Variants in UBE3C observed in about 807,000 individuals in gnomAD.
UBE3C encodes the protein ubiquitin-protein ligase E3C.
A neutral mutation model predicts 129.4 loss-of-function variants in UBE3C; 42 were observed. The observed-to-expected ratio is 0.32, with a 90% CI of 0.25 to 0.42. UBE3C has a LOEUF of 0.42. Among genes scored for constraint, UBE3C ranks in the 10% least tolerant of loss-of-function variants. UBE3C has a pLI of 1.00. For missense variants in UBE3C, 1,049 were observed against 1,319.1 expected, an observed-to-expected ratio of 0.80 and a Z score of 3.17; for synonymous variants, 510 against 492.4, an observed-to-expected ratio of 1.04 and a Z score of -0.47.
chr7:157,196,097 TGTG>T (rs1480437507), intron 10 of UBE3C, among the ~76,000 whole-genome samples: 1 of 147,790 alleles, frequency 6.8e-6, no homozygotes, highest in East Asian at 1.9e-4. Context: ...GTCAGAGAGA[TGTG>T]GTAACAGAAG....
chr7:157,187,080 C>G (rs1242196651), intron 10 of UBE3C, 59 bp downstream of exon 10: 1 of 1,502,872 alleles, frequency 6.7e-7, no homozygotes, highest in East Asian at 2.5e-5. Context: ...ACCTTCCTCC[C>G]TGGGAATTGC....
intron 13 of UBE3C, among the ~76,000 whole-genome samples, chr7:157,215,407 A>G (rs1795527855): frequency 6.6e-6 from 1 of 151,122 alleles, no homozygotes; most frequent in Non-Finnish European, 1.5e-5. Flanking sequence ...GGAAATCTCA[A>G]CAATTGATTG....
chr7:157,154,369 C>T (rs1807845291), intron 1 of UBE3C, among the ~76,000 whole-genome samples: 1 of 152,072 alleles, frequency 6.6e-6, no homozygotes, highest in African/African-American at 2.4e-5. Context: ...ATGAAATCAT[C>T]TTCTCACTGA....
chr7:157,260,957 G>A (rs903462225), intron 22 of UBE3C, among the ~76,000 whole-genome samples: 12 of 152,260 alleles, frequency 7.9e-5, no homozygotes, highest in East Asian at 1.9e-4. Context: ...CTGCGTGAGC[G>A]TCGTAGGTTT....
chr7:157,263,493 A>G (rs913622212), intron 22 of UBE3C, among the ~76,000 whole-genome samples: 10 of 152,052 alleles, frequency 6.6e-5, no homozygotes, highest in Admixed American at 4.6e-4. Context: ...GCGAAACCCC[A>G]TCTCTACTAA....
At chr7:157,162,314 C>G (rs1406083698) in intron 1 of UBE3C, among the ~76,000 whole-genome samples, 1 of 151,916 alleles carries the variant, frequency 6.6e-6, no homozygotes, top group Non-Finnish European at 1.5e-5. Flanking sequence ...TCTCCCTCAG[C>G]CTCTCGAGTA....
In UBE3C at chr7:157,145,718, T is replaced by C. The variant is rs556442784; in HGVS notation, c.66+6380T>C. Among the ~76,000 whole-genome samples, 14 of 152,344 alleles carry C rather than the reference T, an allele frequency of 9.2e-5. No homozygotes were observed. The South Asian group carries it at 2.7e-3, about 29-fold the overall frequency. On this transcript the variant is annotated intron_variant, in intron 1 of 22. Coordinates refer to ENST00000348165, the MANE Select transcript of UBE3C (RefSeq NM_014671.3). ...TGCATTTAAGGCTCTTTTCATGGCT[T>C]GACAGTTCATTTCTTTTTACTTTAT...
chr7:157,153,979 A>G (rs1237519971), intron 1 of UBE3C, among the ~76,000 whole-genome samples: 1 of 150,480 alleles, frequency 6.6e-6, no homozygotes, highest in Admixed American at 6.7e-5. Flanking sequence ...CTTGGGTGAC[A>G]GAGCGAGGCC....
At chr7:157,229,850 C>T (rs907515459) in intron 17 of UBE3C, among the ~76,000 whole-genome samples, 1 of 151,332 alleles carries the variant, frequency 6.6e-6, no homozygotes, top group Non-Finnish European at 1.5e-5. Flanking sequence ...TGGCCTCAGG[C>T]AGTCCTTCTG....
chr7:157,251,940 C>T (rs1796629759), intron 19 of UBE3C, among the ~76,000 whole-genome samples: 1 of 152,078 alleles, frequency 6.6e-6, no homozygotes, highest in African/African-American at 2.4e-5. Flanking sequence ...TTCAGACCAG[C>T]CTGGCCAACA....
At chr7:157,208,022 A>G (rs1809482806) in intron 13 of UBE3C, 87 bp downstream of exon 13, 1 of 456,738 alleles carries the variant, frequency 2.2e-6, no homozygotes, top group Non-Finnish European at 3.2e-6. Context: ...ATAAAAATGC[A>G]GGTTTGTTTC....
chr7:157,172,791 T>C (rs1808413532), intron 4 of UBE3C, among the ~76,000 whole-genome samples: 1 of 152,176 alleles, frequency 6.6e-6, no homozygotes, highest in African/African-American at 2.4e-5. Flanking sequence ...TACTCTAATC[T>C]TGTAGATTAC....
At chr7:157,160,155 A>T in intron 1 of UBE3C, among the ~76,000 whole-genome samples, 1 of 151,784 alleles carries the variant, frequency 6.6e-6, no homozygotes, top group East Asian at 1.9e-4. Context: ...GCTCACTGCA[A>T]CTTCTGCCTC....
At chr7:157,147,443 TC>T (rs761535215) in intron 1 of UBE3C, among the ~76,000 whole-genome samples, 1 of 152,222 alleles carries the variant, frequency 6.6e-6, no homozygotes, top group Non-Finnish European at 1.5e-5. Flanking sequence ...ACTTGGAATT[TC>T]CTGCACAGAT....
chr7:157,139,236 G>A lies in UBE3C; in HGVS notation c.-37G>A, dbSNP rs1414812020. ...GTGCCCCGCCCGCCCGGCTGCTTCC[G>A]CGGCGGCGCTGCCCGCACATGGGCT... On this transcript the variant is annotated 5_prime_UTR_variant, in exon 1 of 23. Transcript: ENST00000348165. 1.4e-6 allele frequency: 2 copies of A among 1,438,002 alleles called. No individual in the cohort carries two copies. The highest frequency in any genetic ancestry group is 2.4e-5 in the Admixed American group (1 of 42,294). 89.1% of individuals were successfully genotyped at this position (1,438,002 alleles called of 1,614,324 possible).
chr7:157,237,310 G>T (rs959235693), intron 18 of UBE3C, among the ~76,000 whole-genome samples: 4 of 151,986 alleles, frequency 2.6e-5, no homozygotes, highest in Admixed American at 2.0e-4. Context: ...GCGTGGTGGC[G>T]GGCGCCTGTA....
intron 5 of UBE3C, among the ~76,000 whole-genome samples, chr7:157,175,759 C>T (rs1446977892): frequency 2.0e-5 from 3 of 152,098 alleles, no homozygotes; most frequent in African/African-American, 7.2e-5. Flanking sequence ...AAGAGAGAAC[C>T]AAGAGGATCC....
chr7:157,187,068 A>G (rs767627554), intron 10 of UBE3C, 47 bp downstream of exon 10: 3 of 1,529,324 alleles, frequency 2.0e-6, no homozygotes, highest in South Asian at 2.5e-5. Context: ...GCCAGAGAAC[A>G]TACCTTCCTC....
intron 10 of UBE3C, among the ~76,000 whole-genome samples, chr7:157,190,645 G>A (rs907326846): frequency 2.0e-5 from 3 of 152,092 alleles, no homozygotes; most frequent in Admixed American, 6.5e-5. Flanking sequence ...CTATGTCATG[G>A]TTTGCCAGCC....
Sources: gnomAD v4.1 joint callset for allele counts (sites outside exome capture counted in the v4.1 genomes callset) on GRCh38, gnomAD v4.1.1 for gene constraint, MANE v1.5 for transcripts, NCBI Gene and HGNC (gene_info 2026-07-23, HGNC 2026-07-21) for gene names.